LRRTM4: variants seen among roughly 807,000 people sequenced by gnomAD.
The protein encoded by LRRTM4 is leucine rich repeat transmembrane neuronal 4.
A neutral mutation model predicts 47.6 loss-of-function variants in LRRTM4; 25 were observed. The observed-to-expected ratio is 0.53, with a 90% CI of 0.38 to 0.73. The LOEUF (loss-of-function observed/expected upper bound fraction) is 0.73, where lower values mean the gene tolerates loss of function less well. Ranked by LOEUF, LRRTM4 falls within the 30% of genes least tolerant of loss-of-function variation. The probability of loss-of-function intolerance (pLI) is 0.00; values close to 1 mark genes in which losing one functional copy is unlikely to be tolerated. For synonymous variants in LRRTM4, 311 were observed against 269.5 expected (o/e 1.15, Z -1.51); for missense variants, 638 against 713.4 (o/e 0.89, Z 1.20).
intron 3 of LRRTM4, among the ~76,000 whole-genome samples, chr2:77,066,034 A>G (rs536387580): frequency 6.6e-6 from 1 of 152,234 alleles, no homozygotes; most frequent in East Asian, 1.9e-4. Context: ...ATGGTGCAAT[A>G]GAAGCTACAG....
intron 3 of LRRTM4, among the ~76,000 whole-genome samples, chr2:77,100,648 ATAAAT>A (rs1327493739): frequency 6.6e-6 from 1 of 152,172 alleles, no homozygotes; most frequent in African/African-American, 2.4e-5. Flanking sequence ...TTGGTTTAAA[ATAAAT>A]TAAATATTGG....
intron 3 of LRRTM4, among the ~76,000 whole-genome samples, chr2:76,952,697 TC>T (rs1675535470): frequency 6.6e-6 from 1 of 151,690 alleles, no homozygotes; most frequent in Non-Finnish European, 1.5e-5. Flanking sequence ...TGAATATATA[TC>T]CAAAAGAAAA....
At chr2:77,458,269 T>C (rs901735660) in intron 3 of LRRTM4, among the ~76,000 whole-genome samples, 35 of 152,146 alleles carry the variant, frequency 2.3e-4, no homozygotes, top group African/African-American at 8.4e-4. Context: ...CTATTTTCAC[T>C]TGCCAGCATG....
In LRRTM4 at chr2:77,403,885, T is replaced by TATATATATATATATATATATATATATATA. The variant is rs893824593; in HGVS notation, c.1551+114432_1551+114433insTATATATATATATATATATATATATATAT. Among the ~76,000 whole-genome samples the TATATATATATATATATATATATATATATA allele has an allele frequency of 2.5e-3, 369 of 150,114 alleles. 7 individuals are homozygous for TATATATATATATATATATATATATATATA. Among genetic ancestry groups the TATATATATATATATATATATATATATATA allele is most frequent in the African/African-American group, 9.0e-3 (357 of 39,818 alleles). On this transcript the variant is annotated intron_variant, in intron 3 of 3. Coordinates refer to ENST00000409884, the MANE Select transcript of LRRTM4 (RefSeq NM_001134745.3). ...TAAATGAGAAATATATATATATATA[T>TATATATATATATATATATATATATATATA]TTTAGGAAAGGCGATTTCATTGAGA...
chr2:77,019,982 GT>G (rs1296071159), intron 3 of LRRTM4, among the ~76,000 whole-genome samples: 1 of 151,936 alleles, frequency 6.6e-6, no homozygotes, highest in Non-Finnish European at 1.5e-5. Context: ...GGTGACCTGT[GT>G]TTTTTGATAG....
At chr2:76,784,027 A>C (rs1674536914) in intron 3 of LRRTM4, among the ~76,000 whole-genome samples, 3 of 152,184 alleles carry the variant, frequency 2.0e-5, no homozygotes, top group Non-Finnish European at 2.9e-5. Flanking sequence ...TTTATTGTGA[A>C]AGTGAGAAAA....
At chr2:77,281,853 T>C (rs1338854095) in intron 3 of LRRTM4, among the ~76,000 whole-genome samples, 1 of 151,884 alleles carries the variant, frequency 6.6e-6, no homozygotes. Context: ...TAGACTATGT[T>C]AGTTTTCTGG....
intron 3 of LRRTM4, among the ~76,000 whole-genome samples, chr2:76,802,250 A>C (rs1346718606): frequency 6.8e-6 from 1 of 146,800 alleles, no homozygotes; most frequent in Non-Finnish European, 1.5e-5. Flanking sequence ...AAAAAAAAAA[A>C]CTGTTAGAAT....
intron 3 of LRRTM4, among the ~76,000 whole-genome samples, chr2:77,297,926 T>C (rs1216701970): frequency 6.6e-6 from 1 of 152,236 alleles, no homozygotes; most frequent in Non-Finnish European, 1.5e-5. Flanking sequence ...TTTTGTTTTG[T>C]TTTTAAATCT....
rs574503048 is a variant in LRRTM4 at position 77,050,102 on chromosome 2, G to T, written c.1552-301186C>A. On this transcript the variant is annotated intron_variant, in intron 3 of 3. Transcript: ENST00000409884. The stretch of plus-strand genomic sequence containing the variant: ...AGAGTACCCAATAGGCTTCTAGTCT[G>T]CAGATGTGTTTTGTTAGAACCAAGT... Among the ~76,000 whole-genome samples, 5 of 149,780 alleles carry T rather than the reference G, an allele frequency of 3.3e-5. No homozygotes were observed. The East Asian group carries it at 9.8e-4, about 29-fold the overall frequency.
intron 3 of LRRTM4, among the ~76,000 whole-genome samples, chr2:77,440,151 A>G (rs1224143829): frequency 1.3e-5 from 2 of 152,140 alleles, no homozygotes; most frequent in Admixed American, 1.3e-4. Flanking sequence ...GCGGTGGCTC[A>G]CGCCTGTAAT....
At chr2:76,844,014 G>A (rs976472299) in intron 3 of LRRTM4, among the ~76,000 whole-genome samples, 2 of 148,398 alleles carry the variant, frequency 1.3e-5, no homozygotes, top group African/African-American at 5.0e-5. Context: ...CCATTCTCCT[G>A]CCTCAGCCTC....
At chr2:77,505,941 G>A (rs1451749803) in intron 3 of LRRTM4, among the ~76,000 whole-genome samples, 2 of 151,558 alleles carry the variant, frequency 1.3e-5, no homozygotes, top group African/African-American at 4.8e-5. Context: ...CCAAATATGT[G>A]TGTTCAGGGA....
chr2:77,143,591 AAT>A (rs1175881487), intron 3 of LRRTM4, among the ~76,000 whole-genome samples: 1 of 152,224 alleles, frequency 6.6e-6, no homozygotes, highest in East Asian at 1.9e-4. Context: ...GGTAAACAAA[AAT>A]AGAGAGACAA....
intron 3 of LRRTM4, among the ~76,000 whole-genome samples, chr2:76,864,599 G>T (rs942891884): frequency 3.3e-5 from 5 of 151,232 alleles, no homozygotes; most frequent in Non-Finnish European, 7.4e-5. Context: ...GGCGGAGGTT[G>T]CAGTGAGCCG....
chr2:77,457,053 T>TATAC (rs1558752167), intron 3 of LRRTM4, among the ~76,000 whole-genome samples: 6 of 62,220 alleles, frequency 9.6e-5, no homozygotes, highest in African/African-American at 2.8e-4. Context: ...TATATATATG[T>TATAC]ATAACCTGGA....
intron 3 of LRRTM4, among the ~76,000 whole-genome samples, chr2:77,158,409 T>A (rs1672619418): frequency 6.6e-6 from 1 of 152,206 alleles, no homozygotes; most frequent in South Asian, 2.1e-4. Flanking sequence ...TTTATCTTTT[T>A]GGGGAAATAA....
intron 3 of LRRTM4, among the ~76,000 whole-genome samples, chr2:76,779,132 G>A (rs1315287905): frequency 5.3e-5 from 8 of 151,374 alleles, no homozygotes; most frequent in Non-Finnish European, 1.2e-4. Flanking sequence ...GAGATAGTTT[G>A]TTATAATTTC....
chr2:77,271,660 C>T (rs1437453390), intron 3 of LRRTM4, among the ~76,000 whole-genome samples: 1 of 152,190 alleles, frequency 6.6e-6, no homozygotes, highest in Non-Finnish European at 1.5e-5. Context: ...TTTCTGACTT[C>T]TGCTGTTCCC....
Sources: gnomAD v4.1 joint callset for allele counts (sites outside exome capture counted in the v4.1 genomes callset) on GRCh38, gnomAD v4.1.1 for gene constraint, MANE v1.5 for transcripts, NCBI Gene and HGNC (gene_info 2026-07-23, HGNC 2026-07-21) for gene names.